Variants in ARHGAP10 observed in about 807,000 individuals in gnomAD.
The protein encoded by ARHGAP10 is Rho GTPase activating protein 10.
A neutral mutation model predicts 108.6 loss-of-function variants in ARHGAP10; 87 were observed. The ratio of observed to expected loss-of-function variants is 0.80; its 90% confidence interval spans 0.67 to 0.96. ARHGAP10 has a LOEUF of 0.96. ARHGAP10 is among the 40% of genes least tolerant of loss of function. The pLI is 0.00. For missense variants in ARHGAP10, 939 were observed against 954.5 expected (o/e 0.98, Z 0.21); for synonymous variants, 347 against 341.1 (o/e 1.02, Z -0.19).
At chr4:147,777,874 A>G (rs1267603287) in intron 1 of ARHGAP10, among the ~76,000 whole-genome samples, 1 of 152,080 alleles carries the variant, frequency 6.6e-6, no homozygotes, top group Non-Finnish European at 1.5e-5. Context: ...CCAAGTTTCT[A>G]AAGACACTCT....
rs1416112275 is a variant in ARHGAP10, at chr4:147,912,582, T to G, written c.1163-492T>G. 3.6e-3 allele frequency among the ~76,000 whole-genome samples: 440 copies of G among 121,312 alleles called. 14 individuals carry two copies. Among genetic ancestry groups the G allele is most frequent in the African/African-American group, 0.012 (305 of 25,896 alleles). 79.6% of individuals were successfully genotyped at this position (121,312 alleles called of 152,430 possible). A position where few individuals can be genotyped will look rare whatever the true frequency, so the allele number is the denominator to read the frequency against. On this transcript the variant is annotated intron_variant, in intron 12 of 22. Coordinates refer to ENST00000336498, the MANE Select transcript of ARHGAP10 (RefSeq NM_024605.4). ...ATATATATATATATATATATATATA[T>G]ATATATATATATATATAAAATTCCT... is the stretch of plus-strand genomic sequence containing the variant.
At chr4:147,953,713 AATTT>A (rs1183432071) in intron 15 of ARHGAP10, among the ~76,000 whole-genome samples, 2 of 151,830 alleles carry the variant, frequency 1.3e-5, no homozygotes, top group Non-Finnish European at 2.9e-5. Context: ...GTTTTGGATT[AATTT>A]ATTTTCTTTA....
Position 148,072,128 on chromosome 4 carries a change from C to G in ARHGAP10, c.*47C>G, listed in dbSNP as rs764169407. On this transcript the variant is annotated 3_prime_UTR_variant, in exon 23 of 23. Coordinates refer to ENST00000336498, the MANE Select transcript of ARHGAP10 (RefSeq NM_024605.4). ...CTGACCCTGGCACCCAGGGACCTGCCTGGGGGCAGAGAGCTGTCTTCCTCC... is the reference window on the plus strand; with the variant it reads ...CTGACCCTGGCACCCAGGGACCTGCGTGGGGGCAGAGAGCTGTCTTCCTCC... 6.4e-7 allele frequency: 1 copy of G among 1,554,012 alleles called. No homozygotes were observed. Among genetic ancestry groups the G allele is most frequent in the Non-Finnish European group, 8.8e-7 (1 of 1,139,112 alleles).
At chr4:147,835,254 A>G (rs1411519819) in intron 3 of ARHGAP10, among the ~76,000 whole-genome samples, 2 of 151,972 alleles carry the variant, frequency 1.3e-5, no homozygotes, top group Non-Finnish European at 2.9e-5. Context: ...CTTGTTTTTT[A>G]CTGTTGACTG....
chr4:147,766,808 AT>A, intron 1 of ARHGAP10, among the ~76,000 whole-genome samples: 1 of 3,742 alleles, frequency 2.7e-4, no homozygotes, highest in African/African-American at 3.4e-4. Context: ...ACATATATAT[AT>A]ATATATATAT....
intron 1 of ARHGAP10, among the ~76,000 whole-genome samples, chr4:147,796,103 C>G (rs1049607566): frequency 6.6e-6 from 1 of 151,978 alleles, no homozygotes; most frequent in Non-Finnish European, 1.5e-5. Context: ...TTTATAATTT[C>G]CCCCCCTTCT....
intron 4 of ARHGAP10, among the ~76,000 whole-genome samples, chr4:147,849,288 T>C (rs1216363218): frequency 6.6e-6 from 1 of 151,488 alleles, no homozygotes; most frequent in Non-Finnish European, 1.5e-5. Context: ...CCTTAATACA[T>C]AAAGTATCTA....
intron 8 of ARHGAP10, among the ~76,000 whole-genome samples, chr4:147,876,852 A>G (rs1444356225): frequency 6.6e-6 from 1 of 152,202 alleles, no homozygotes; most frequent in African/African-American, 2.4e-5. Context: ...CCTATGAAGT[A>G]TAAGGTACTA....
chr4:148,005,728 T>C (rs945215705), intron 18 of ARHGAP10, among the ~76,000 whole-genome samples: 4 of 152,062 alleles, frequency 2.6e-5, no homozygotes, highest in Non-Finnish European at 4.4e-5. Flanking sequence ...TAAATTCTTA[T>C]GTCCTTTCTC....
At chr4:147,918,157 A>G (rs1023306331) in intron 13 of ARHGAP10, among the ~76,000 whole-genome samples, 2 of 109,670 alleles carry the variant, frequency 1.8e-5, no homozygotes, top group Non-Finnish European at 3.1e-5. Flanking sequence ...TTTTTTTGAG[A>G]CAGAGTCTTG....
chr4:148,003,433 A>G (rs950026647), intron 18 of ARHGAP10, among the ~76,000 whole-genome samples: 5 of 152,058 alleles, frequency 3.3e-5, no homozygotes, highest in South Asian at 2.1e-4. Flanking sequence ...TATTAGGTCC[A>G]CTTGGTGCGG....
At chr4:147,924,231 T>C (rs1186775804) in intron 13 of ARHGAP10, among the ~76,000 whole-genome samples, 1 of 152,212 alleles carries the variant, frequency 6.6e-6, no homozygotes, top group Non-Finnish European at 1.5e-5. Context: ...TAGGGGCACA[T>C]CCTTCCTCTG....
intron 1 of ARHGAP10, among the ~76,000 whole-genome samples, chr4:147,753,755 T>G (rs1333539321): frequency 1.3e-5 from 2 of 152,202 alleles, no homozygotes; most frequent in African/African-American, 4.8e-5. Flanking sequence ...TTTTCCCCTT[T>G]CGAAACTATT....
intron 10 of ARHGAP10, among the ~76,000 whole-genome samples, chr4:147,901,051 C>T (rs1736215565): frequency 1.3e-5 from 2 of 151,998 alleles, no homozygotes; most frequent in Admixed American, 1.3e-4. Flanking sequence ...AAAATATGTC[C>T]TTTGTTTCAA....
At chr4:147,966,216 G>C (rs1398111959) in intron 17 of ARHGAP10, among the ~76,000 whole-genome samples, 1 of 152,024 alleles carries the variant, frequency 6.6e-6, no homozygotes, top group African/African-American at 2.4e-5. Context: ...AAGGCTTTTG[G>C]GGGAAGCAAG....
At chr4:147,839,465 T>G (rs1217311220) in intron 3 of ARHGAP10, among the ~76,000 whole-genome samples, 1 of 152,188 alleles carries the variant, frequency 6.6e-6, no homozygotes. Flanking sequence ...CAGCCTATCC[T>G]TGTTAGTACT....
intron 17 of ARHGAP10, 113 bp from the exon 18 acceptor site, chr4:147,966,567 G>A (rs747366331): frequency 3.3e-5 from 32 of 955,294 alleles, no homozygotes; most frequent in Non-Finnish European, 4.6e-5. Flanking sequence ...TGTTGAGGGT[G>A]GTTAAGTCTC....
chr4:147,930,844 A>AT (rs1326147500), intron 13 of ARHGAP10, among the ~76,000 whole-genome samples: 2 of 152,078 alleles, frequency 1.3e-5, no homozygotes, highest in African/African-American at 4.8e-5. Flanking sequence ...GTTTACCTGC[A>AT]TTTATCAGCC....
chr4:147,761,711 A>G (rs1276678685), intron 1 of ARHGAP10, among the ~76,000 whole-genome samples: 1 of 152,238 alleles, frequency 6.6e-6, no homozygotes, highest in East Asian at 1.9e-4. Context: ...ATGAATTGGG[A>G]AATCTGCCCA....
Sources: allele counts gnomAD v4.1 joint callset (sites outside exome capture counted in the v4.1 genomes callset), GRCh38; gene constraint gnomAD v4.1.1; transcripts MANE v1.5; gene names NCBI Gene and HGNC (gene_info 2026-07-23, HGNC 2026-07-21).